The following CPNE8 variants were observed in gnomAD, a reference collection of about 807,000 sequenced individuals.
CPNE8 encodes copine-8.
CPNE8 carries 45 observed loss-of-function variants against 81.5 expected under a neutral mutation model. The observed-to-expected ratio is 0.55, with a 90% CI of 0.44 to 0.71. The LOEUF (loss-of-function observed/expected upper bound fraction) is 0.71, where lower values mean the gene tolerates loss of function less well. Ranked by LOEUF, CPNE8 falls within the 30% of genes least tolerant of loss-of-function variation. CPNE8 has a pLI of 0.00. For missense variants in CPNE8, 594 were observed against 672.1 expected (o/e 0.88, Z 1.28); for synonymous variants, 252 against 226.3 (o/e 1.11, Z -1.02).
At chr12:38,681,687 C>A (rs1321612221) in intron 16 of CPNE8, among the ~76,000 whole-genome samples, 1 of 152,188 alleles carries the variant, frequency 6.6e-6, no homozygotes, top group Non-Finnish European at 1.5e-5. Context: ...TCACGTAAGG[C>A]TGCAGTATGA....
At chr12:38,757,709 T>C (rs1164555475) in intron 10 of CPNE8, among the ~76,000 whole-genome samples, 1 of 152,050 alleles carries the variant, frequency 6.6e-6, no homozygotes, top group Non-Finnish European at 1.5e-5. Context: ...AAAATATAGA[T>C]CTATTTTTGG....
chr12:38,875,991 T>G (rs1161476530), intron 1 of CPNE8, among the ~76,000 whole-genome samples: 3 of 152,214 alleles, frequency 2.0e-5, no homozygotes, highest in African/African-American at 4.8e-5. Context: ...TTTTGCTCAT[T>G]AGGTATCCTA....
chr12:38,828,398 G>A (rs1035700870), intron 6 of CPNE8, among the ~76,000 whole-genome samples: 1 of 151,932 alleles, frequency 6.6e-6, no homozygotes, highest in Non-Finnish European at 1.5e-5. Flanking sequence ...ACTGACATTC[G>A]GTAATAATTT....
In CPNE8 at chr12:38,652,685, C is replaced by G. The variant is rs1399726041; in HGVS notation, c.*1197G>C. 6.6e-6 allele frequency: 1 copy of G among 152,560 alleles called. No individual in the cohort carries two copies. Among genetic ancestry groups the G allele is most frequent in the African/African-American group, 2.4e-5 (1 of 41,426 alleles). The allele number at this position is 152,560 out of a possible 1,614,324, so 9.5% of individuals were successfully genotyped here. On this transcript the variant is annotated 3_prime_UTR_variant, in exon 20 of 20. Transcript: ENST00000331366. ...CCAGGAATTCCGTGAGAATTTAAGG[C>G]CATTTGTTCTAAAGAAATGCTTTAA...
At chr12:38,725,644 C>A (rs1199303964) in intron 11 of CPNE8, among the ~76,000 whole-genome samples, 1 of 152,042 alleles carries the variant, frequency 6.6e-6, no homozygotes, top group Non-Finnish European at 1.5e-5. Flanking sequence ...TTATTTGAAC[C>A]ACAATTTATT....
intron 3 of CPNE8, among the ~76,000 whole-genome samples, chr12:38,870,406 T>C (rs972805970): frequency 6.6e-6 from 1 of 152,126 alleles, no homozygotes; most frequent in Non-Finnish European, 1.5e-5. Context: ...TGCCCATCAG[T>C]GATAGACTGG....
intron 6 of CPNE8, among the ~76,000 whole-genome samples, chr12:38,795,567 C>A (rs978364537): frequency 1.3e-5 from 2 of 152,108 alleles, no homozygotes; most frequent in African/African-American, 4.8e-5. Context: ...AATCCCATAA[C>A]ATACTACAAG....
At chr12:38,729,795 T>C (rs989466843) in intron 11 of CPNE8, among the ~76,000 whole-genome samples, 10 of 152,004 alleles carry the variant, frequency 6.6e-5, no homozygotes, top group African/African-American at 1.9e-4. Context: ...TAGGCAGAAA[T>C]AACTACAATG....
chr12:38,793,927 A>G (rs4346007), intron 6 of CPNE8, among the ~76,000 whole-genome samples: 149,197 of 152,166 alleles, frequency 0.98, 73,207 homozygotes, highest in Middle Eastern at 1. Context: ...TGTACATGAT[A>G]AGAAGACCTT....
At chr12:38,710,268 CAAAAAAA>C (rs57376063) in intron 13 of CPNE8, among the ~76,000 whole-genome samples, 2 of 50,266 alleles carry the variant, frequency 4.0e-5, no homozygotes, top group East Asian at 6.5e-4. Context: ...AATAAGCTAA[CAAAAAAA>C]AAAAAAAAAA....
chr12:38,685,813 A>C (rs1188847586), intron 15 of CPNE8, 196 bp from the exon 16 acceptor site: 1 of 432,914 alleles, frequency 2.3e-6, no homozygotes. Flanking sequence ...TATTATGTAG[A>C]TAATAACATG....
chr12:38,767,807 C>T, intron 7 of CPNE8, 69 bp from the exon 8 acceptor site: 1 of 864,908 alleles, frequency 1.2e-6, no homozygotes, highest in East Asian at 2.9e-5. Flanking sequence ...AGATCAGAAA[C>T]AAGACTTGAC....
chr12:38,826,435 T>C (rs1477553778), intron 6 of CPNE8, among the ~76,000 whole-genome samples: 1 of 152,224 alleles, frequency 6.6e-6, no homozygotes. Flanking sequence ...CTCATTACAC[T>C]ATATGAAATA....
chr12:38,708,154 C>G (rs1940160241), intron 13 of CPNE8, among the ~76,000 whole-genome samples: 1 of 152,064 alleles, frequency 6.6e-6, no homozygotes, highest in Non-Finnish European at 1.5e-5. Flanking sequence ...GTGTCATATT[C>G]TATGTATTTA....
intron 13 of CPNE8, among the ~76,000 whole-genome samples, chr12:38,709,552 T>C (rs1439872163): frequency 2.0e-5 from 3 of 152,202 alleles, no homozygotes; most frequent in Non-Finnish European, 4.4e-5. Context: ...AAACCTTCCC[T>C]GATTGTTGCT....
intron 3 of CPNE8, among the ~76,000 whole-genome samples, chr12:38,857,883 C>A (rs1943769867): frequency 6.6e-6 from 1 of 152,186 alleles, no homozygotes; most frequent in Non-Finnish European, 1.5e-5. Flanking sequence ...GAGACAAGAG[C>A]AAGACTCTGT....
At chr12:38,751,152 C>T (rs192554890) in intron 10 of CPNE8, among the ~76,000 whole-genome samples, 15 of 152,334 alleles carry the variant, frequency 9.8e-5, no homozygotes, top group African/African-American at 1.7e-4. Flanking sequence ...CTTCCCCAGC[C>T]ACTTGGAATT....
intron 6 of CPNE8, among the ~76,000 whole-genome samples, chr12:38,818,337 C>A (rs957606295): frequency 2.6e-5 from 4 of 152,088 alleles, no homozygotes; most frequent in African/African-American, 9.7e-5. Flanking sequence ...TCCCTGTGTC[C>A]ACGTGTTCTC....
intron 10 of CPNE8, among the ~76,000 whole-genome samples, chr12:38,750,571 TG>T (rs1169469841): frequency 2.6e-5 from 4 of 152,218 alleles, no homozygotes; most frequent in Admixed American, 2.6e-4. Flanking sequence ...GAGATGATTT[TG>T]GAGTTTTAAG....
Sources: allele counts gnomAD v4.1 joint callset (sites outside exome capture counted in the v4.1 genomes callset), GRCh38; gene constraint gnomAD v4.1.1; transcripts MANE v1.5; gene names NCBI Gene and HGNC (gene_info 2026-07-23, HGNC 2026-07-21).